SIPA1L1: variants seen among roughly 807,000 people sequenced by gnomAD.
SIPA1L1 encodes the protein signal-induced proliferation-associated 1-like protein 1.
Under a neutral mutation model 162.7 loss-of-function variants are expected in SIPA1L1, and 26 were observed. The observed-to-expected ratio is 0.16, with a 90% CI of 0.12 to 0.22. The LOEUF is 0.22. SIPA1L1 is among the 10% of genes least tolerant of loss of function. The pLI is 1.00. For missense variants in SIPA1L1, 1,874 were observed against 2,241.0 expected (o/e 0.84, Z 3.31); for synonymous variants, 829 against 837.4 (o/e 0.99, Z 0.17).
At chr14:71,606,647 A>G (rs2148188893) in intron 5 of SIPA1L1, among the ~76,000 whole-genome samples, 1 of 152,236 alleles carries the variant, frequency 6.6e-6, no homozygotes, top group East Asian at 1.9e-4. Context: ...CTAGGATTAC[A>G]GGAGTGAGTC....
chr14:71,334,641 T>A (rs998547701), intron 2 of SIPA1L1, among the ~76,000 whole-genome samples: 1 of 152,216 alleles, frequency 6.6e-6, no homozygotes, highest in African/African-American at 2.4e-5. Context: ...ATGGCTCTTA[T>A]CTTTCTCAAA....
At chr14:71,631,236 T>C (rs2040541627) in intron 7 of SIPA1L1, among the ~76,000 whole-genome samples, 1 of 152,172 alleles carries the variant, frequency 6.6e-6, no homozygotes, top group South Asian at 2.1e-4. Flanking sequence ...TTCCATGCAT[T>C]TCACCCCTTT....
At chr14:71,529,533 T>C (rs2053228853) in intron 4 of SIPA1L1, among the ~76,000 whole-genome samples, 163 bp downstream of exon 4, 1 of 152,250 alleles carries the variant, frequency 6.6e-6, no homozygotes, top group Admixed American at 6.5e-5. Context: ...TTTGAATCTA[T>C]AGCTTTATAT....
chr14:71,354,046 T>C (rs2036979814), intron 2 of SIPA1L1, among the ~76,000 whole-genome samples: 1 of 150,550 alleles, frequency 6.6e-6, no homozygotes, highest in East Asian at 2.2e-4. Flanking sequence ...ACTCAAACAA[T>C]TTTTTTTTCC....
chr14:71,625,490 T>C (rs944581530), intron 7 of SIPA1L1, among the ~76,000 whole-genome samples: 1 of 152,232 alleles, frequency 6.6e-6, no homozygotes, highest in Non-Finnish European at 1.5e-5. Flanking sequence ...AATCTTTGCC[T>C]TTTTCTATCC....
chr14:71,716,153 C>T (rs1040810672), intron 17 of SIPA1L1, among the ~76,000 whole-genome samples: 15 of 152,204 alleles, frequency 9.9e-5, no homozygotes, highest in African/African-American at 3.4e-4. Context: ...TGTTTTCCCC[C>T]AGTCCTTTGG....
At chr14:71,375,534 A>T (rs1287819958) in intron 2 of SIPA1L1, among the ~76,000 whole-genome samples, 1 of 152,146 alleles carries the variant, frequency 6.6e-6, no homozygotes, top group Admixed American at 6.5e-5. Context: ...CATGTTCCAC[A>T]AATAAGAGAT....
chr14:71,668,460 C>T (rs904254621), intron 10 of SIPA1L1, among the ~76,000 whole-genome samples: 6 of 152,288 alleles, frequency 3.9e-5, no homozygotes, highest in African/African-American at 9.6e-5. Flanking sequence ...AGATGTCAAA[C>T]CACAGAATAC....
At chr14:71,529,896 G>A (rs1023628913) in intron 4 of SIPA1L1, among the ~76,000 whole-genome samples, 7 of 152,218 alleles carry the variant, frequency 4.6e-5, no homozygotes, top group Non-Finnish European at 8.8e-5. Flanking sequence ...TTAGGACAGA[G>A]CTGCCTCTTA....
intron 2 of SIPA1L1, among the ~76,000 whole-genome samples, chr14:71,384,090 C>G (rs2040126815): frequency 6.6e-6 from 1 of 152,018 alleles, no homozygotes; most frequent in Non-Finnish European, 1.5e-5. Flanking sequence ...TTTTCTCAGC[C>G]AGACTGCGAA....
chr14:71,438,469 G>A (rs1456535970), intron 2 of SIPA1L1, among the ~76,000 whole-genome samples: 1 of 152,148 alleles, frequency 6.6e-6, no homozygotes, highest in East Asian at 1.9e-4. Flanking sequence ...AGCACCTTTT[G>A]TTCTTCGTTC....
chr14:71,664,089 A>G (rs2043784142), intron 10 of SIPA1L1, among the ~76,000 whole-genome samples: 1 of 152,196 alleles, frequency 6.6e-6, no homozygotes, highest in African/African-American at 2.4e-5. Context: ...CCTTTCTTCA[A>G]GCCTTTAATG....
At position 71,671,213 on chromosome 14, in the gene SIPA1L1, C is replaced by A; in HGVS notation, c.2350C>A (p.Leu784Ile). Reference protein sequence around the residue: ...FPKSNVFRDFLLAKVINAENA... With the variant: ...FPKSNVFRDFILAKVINAENA... Reference sequence around the variant, plus strand: ...TAAGTCAAATGTGTTCAGGGACTTCCTTTTGGCGAAAGTGATTAATGCAGA... The same window carrying A: ...TAAGTCAAATGTGTTCAGGGACTTCATTTTGGCGAAAGTGATTAATGCAGA... Residue 784 changes from leucine to isoleucine, a missense_variant, in exon 11 of 24, where the codon CTT becomes ATT. Leu to Ile is a conservative substitution (Grantham distance 5). Around this residue, in one of 5 missense-constraint regions of SIPA1L1, gnomAD observed 243 missense variants for 315.0 expected, o/e 0.77. Coordinates refer to ENST00000381232, the MANE Select transcript of SIPA1L1 (RefSeq NM_001386936.1). 2 of 1,614,158 alleles carry A rather than the reference C, an allele frequency of 1.2e-6. No individual in the cohort carries two copies. The highest frequency in any genetic ancestry group is 1.1e-5 in the South Asian group (1 of 91,080).
intron 4 of SIPA1L1, among the ~76,000 whole-genome samples, chr14:71,553,716 A>G (rs1216426967): frequency 6.6e-6 from 1 of 152,186 alleles, no homozygotes; most frequent in African/African-American, 2.4e-5. Context: ...TGCTTCAGAG[A>G]TCCCATTGTA....
At chr14:71,544,267 G>A (rs1215874529) in intron 4 of SIPA1L1, among the ~76,000 whole-genome samples, 2 of 106,158 alleles carry the variant, frequency 1.9e-5, no homozygotes, top group East Asian at 4.5e-4. Context: ...CACATGATAT[G>A]TGTATATACA....
At chr14:71,395,652 C>T (rs2041129441) in intron 2 of SIPA1L1, among the ~76,000 whole-genome samples, 1 of 152,128 alleles carries the variant, frequency 6.6e-6, no homozygotes, top group African/African-American at 2.4e-5. Flanking sequence ...CAGAGCAAGA[C>T]CCTGTCTCTT....
intron 2 of SIPA1L1, among the ~76,000 whole-genome samples, chr14:71,456,039 G>A (rs1022532803): frequency 1.3e-5 from 2 of 152,198 alleles, no homozygotes; most frequent in Non-Finnish European, 2.9e-5. Flanking sequence ...AGGGAAAAAC[G>A]TAAATTATTT....
intron 4 of SIPA1L1, among the ~76,000 whole-genome samples, chr14:71,558,080 C>G (rs943318007): frequency 2.0e-5 from 3 of 152,068 alleles, no homozygotes; most frequent in African/African-American, 7.2e-5. Flanking sequence ...AATTTAAAGC[C>G]TAAGTATGTA....
At chr14:71,634,266 G>A (rs553545862) in intron 7 of SIPA1L1, among the ~76,000 whole-genome samples, 1 of 151,940 alleles carries the variant, frequency 6.6e-6, no homozygotes, top group East Asian at 1.9e-4. Context: ...GCTGGGCATG[G>A]TGGCGGGCAC....
Sources: allele counts gnomAD v4.1 joint callset (sites outside exome capture counted in the v4.1 genomes callset), GRCh38; gene constraint gnomAD v4.1.1; regional missense constraint gnomAD v4.1.1; transcripts MANE v1.5; gene names NCBI Gene and HGNC (gene_info 2026-07-23, HGNC 2026-07-21).